Variants in THRB observed in about 807,000 individuals in gnomAD.
THRB encodes nuclear receptor subfamily 1 group A member 2.
In THRB, 12 loss-of-function variants were observed where a neutral mutation model predicts 47.8. The ratio of observed to expected loss-of-function variants is 0.25; its 90% confidence interval spans 0.16 to 0.41. The LOEUF (loss-of-function observed/expected upper bound fraction) is 0.41, where lower values mean the gene tolerates loss of function less well. Among genes scored for constraint, THRB ranks in the 10% least tolerant of loss-of-function variants. The pLI is 1.00. For synonymous variants in THRB, 218 were observed against 212.2 expected (o/e 1.03, Z -0.24); for missense variants, 348 against 589.2 (o/e 0.59, Z 4.24).
At chr3:24,347,548 A>AAAATAAT (rs1361805555) in intron 1 of THRB, among the ~76,000 whole-genome samples, 2 of 151,332 alleles carry the variant, frequency 1.3e-5, no homozygotes, top group Non-Finnish European at 3.0e-5. Flanking sequence ...AAATTACATA[A>AAAATAAT]AAATAATAAA....
chr3:24,461,261 G>A (rs962636665), intron 1 of THRB, among the ~76,000 whole-genome samples: 2 of 152,208 alleles, frequency 1.3e-5, no homozygotes, highest in East Asian at 3.8e-4. Flanking sequence ...GCCACCGCAA[G>A]CAAGTTACTT....
chr3:24,330,076 C>A (rs1039310209), intron 2 of THRB, among the ~76,000 whole-genome samples: 22 of 152,182 alleles, frequency 1.4e-4, no homozygotes, highest in African/African-American at 4.1e-4. Flanking sequence ...GAGGCCGAGG[C>A]GGGTGGATCA....
chr3:24,221,096 T>C (rs1429420573), intron 4 of THRB, among the ~76,000 whole-genome samples: 1 of 152,224 alleles, frequency 6.6e-6, no homozygotes, highest in Admixed American at 6.5e-5. Context: ...AGCGAGAATG[T>C]CATCATAGCC....
intron 5 of THRB, among the ~76,000 whole-genome samples, chr3:24,156,144 C>T (rs2037797626): frequency 6.6e-6 from 1 of 152,180 alleles, no homozygotes; most frequent in Admixed American, 6.5e-5. Context: ...ACAGTTAATG[C>T]TATTTAAAAA....
intron 1 of THRB, among the ~76,000 whole-genome samples, chr3:24,405,208 G>A (rs2067722824): frequency 1.3e-5 from 2 of 151,962 alleles, no homozygotes; most frequent in Non-Finnish European, 2.9e-5. Context: ...GCTTTTAAGT[G>A]TATCTGGAAT....
chr3:24,219,625 T>C (rs2046958424), intron 4 of THRB, among the ~76,000 whole-genome samples: 1 of 152,212 alleles, frequency 6.6e-6, no homozygotes, highest in Non-Finnish European at 1.5e-5. Context: ...TTGCCCACCC[T>C]AGGTCAGGTT....
intron 1 of THRB, among the ~76,000 whole-genome samples, chr3:24,349,341 T>C (rs975751375): frequency 6.6e-6 from 1 of 151,990 alleles, no homozygotes; most frequent in Non-Finnish European, 1.5e-5. Context: ...TTTTTTCTGG[T>C]GGAAATTAGT....
chr3:24,440,216 TTGAAATGG>T (rs2071396232), intron 1 of THRB, among the ~76,000 whole-genome samples: 1 of 152,190 alleles, frequency 6.6e-6, no homozygotes, highest in Non-Finnish European at 1.5e-5. Flanking sequence ...TCATTCCAAT[TTGAAATGG>T]TCTCTCCAGG....
At chr3:24,357,653 C>G (rs2063784106) in intron 1 of THRB, among the ~76,000 whole-genome samples, 1 of 151,952 alleles carries the variant, frequency 6.6e-6, no homozygotes, top group South Asian at 2.1e-4. Context: ...AATTTGAACT[C>G]TTTTCATATC....
At chr3:24,164,978 G>A (rs377501011) in intron 5 of THRB, 10 of 681,510 alleles carry the variant, frequency 1.5e-5, no homozygotes, top group African/African-American at 3.6e-5. Context: ...AAAATGAAAC[G>A]AAAACAAACA....
At chr3:24,216,794 T>A (rs1013645347) in intron 4 of THRB, among the ~76,000 whole-genome samples, 1 of 152,212 alleles carries the variant, frequency 6.6e-6, no homozygotes, top group East Asian at 1.9e-4. Flanking sequence ...AATGTTCTGA[T>A]TTATCCCAAT....
At chr3:24,386,439 C>T (rs975345397) in intron 1 of THRB, among the ~76,000 whole-genome samples, 1 of 152,042 alleles carries the variant, frequency 6.6e-6, no homozygotes, top group African/African-American at 2.4e-5. Flanking sequence ...TGCTTACAAC[C>T]TTCTATGGCT....
chr3:24,372,040 G>T (rs540885089), intron 1 of THRB, among the ~76,000 whole-genome samples: 59 of 152,136 alleles, frequency 3.9e-4, no homozygotes, highest in African/African-American at 1.4e-3. Flanking sequence ...CATCTGTTTT[G>T]CTTTGGTACC....
In THRB at chr3:24,146,695, T is replaced by C. The variant is rs774129049; in HGVS notation, c.512A>G (p.Tyr171Cys). The C allele has an allele frequency of 1.9e-6, 3 of 1,614,184 alleles. No homozygotes were observed. The highest frequency in any genetic ancestry group is 2.5e-6 in the Non-Finnish European group (3 of 1,180,002). The change falls in exon 7 of 11, where the codon TAT becomes TGT. Residue 171 changes from tyrosine to cysteine, a missense_variant. Physicochemically the swap from Tyr to Cys is radical, Grantham distance 194 (BLOSUM62 -2). Transcript: ENST00000646209. Reference sequence around the variant, plus strand: ...CTTACAATCTGTTGCCATGCCAACATAGATGCATTTCTTAAAGCGACATTC... The same window carrying C: ...CTTACAATCTGTTGCCATGCCAACACAGATGCATTTCTTAAAGCGACATTC... ...CQECRFKKCIYVGMATDLVLD... is the reference protein window; with the variant it reads ...CQECRFKKCICVGMATDLVLD...
At chr3:24,486,215 G>C (rs1006338210) in intron 1 of THRB, among the ~76,000 whole-genome samples, 2 of 152,156 alleles carry the variant, frequency 1.3e-5, no homozygotes, top group Admixed American at 6.6e-5. Flanking sequence ...CCACAGCAAA[G>C]GATTATCTGG....
At chr3:24,358,755 C>T (rs2063867099) in intron 1 of THRB, among the ~76,000 whole-genome samples, 2 of 152,188 alleles carry the variant, frequency 1.3e-5, no homozygotes, top group East Asian at 1.9e-4. Flanking sequence ...TGTCAATTCT[C>T]GCATGGTTAT....
At chr3:24,379,581 A>G (rs998021919) in intron 1 of THRB, among the ~76,000 whole-genome samples, 2 of 151,556 alleles carry the variant, frequency 1.3e-5, no homozygotes, top group African/African-American at 4.9e-5. Context: ...GGAAGTCCCT[A>G]TTCAGCATGA....
intron 4 of THRB, among the ~76,000 whole-genome samples, chr3:24,208,729 C>A (rs1318696522): frequency 6.6e-6 from 1 of 152,158 alleles, no homozygotes; most frequent in Non-Finnish European, 1.5e-5. Flanking sequence ...AATGTTAGAC[C>A]TAAAACCATA....
At chr3:24,477,007 A>ATTTTTTTTTTTT (rs558247174) in intron 1 of THRB, among the ~76,000 whole-genome samples, 1 of 126,490 alleles carries the variant, frequency 7.9e-6, no homozygotes, top group African/African-American at 3.1e-5. Flanking sequence ...GGTTTTCAAG[A>ATTTTTTTTTTTT]TTTTTTTTTT....
Sources: allele counts gnomAD v4.1 joint callset (sites outside exome capture counted in the v4.1 genomes callset), GRCh38; gene constraint gnomAD v4.1.1; transcripts MANE v1.5; gene names NCBI Gene and HGNC (gene_info 2026-07-23, HGNC 2026-07-21).